Variants in SLC10A7 observed in about 807,000 individuals in gnomAD.
SLC10A7 encodes the protein solute carrier family 10 member 7.
Under a neutral mutation model 43.2 loss-of-function variants are expected in SLC10A7, and 29 were observed. That is an observed-to-expected ratio of 0.67 (90% CI 0.50 to 0.92). The LOEUF is 0.92. Ranked by LOEUF, SLC10A7 falls within the 40% of genes least tolerant of loss-of-function variation. The pLI is 0.00. For missense variants in SLC10A7, 295 were observed against 403.2 expected, an observed-to-expected ratio of 0.73 and a Z score of 2.30; for synonymous variants, 152 against 144.8, an observed-to-expected ratio of 1.05 and a Z score of -0.35.
chr4:146,506,092 C>T (rs1697971096), intron 3 of SLC10A7, among the ~76,000 whole-genome samples: 1 of 152,066 alleles, frequency 6.6e-6, no homozygotes, highest in Admixed American at 6.6e-5. Context: ...ATCTTTTTAG[C>T]TTTTTCATCC....
chr4:146,433,420 A>C (rs1003712496), intron 5 of SLC10A7, among the ~76,000 whole-genome samples: 1 of 152,152 alleles, frequency 6.6e-6, no homozygotes, highest in Non-Finnish European at 1.5e-5. Flanking sequence ...AATAATTTGA[A>C]ATGATCAATA....
chr4:146,256,859 C>G lies in SLC10A7; in HGVS notation c.994-339G>C, dbSNP rs147129678. ...TGGACTCTTGGTATTTATTTTAATG[C>G]CCAAATTTGATGGATAGATATTCCA... is the stretch of plus-strand genomic sequence containing the variant. On this transcript the variant is annotated intron_variant, in intron 11 of 11. Transcript: ENST00000335472. The G allele has an allele frequency of 7.8e-6, 12 of 1,536,008 alleles. No homozygotes were observed. In the East Asian group the frequency reaches 2.9e-4, roughly 38 times the overall value.
rs1310846036 is a variant in SLC10A7, at chr4:146,492,588, T to G, written c.396+11261A>C. ...GGTTTTGCCATGTCACCCAGGCAGG[T>G]CTGAAACTCCTAAGCTCGTGATCCA... is the stretch of plus-strand genomic sequence containing the variant. On this transcript the variant is annotated intron_variant, in intron 4 of 11. Coordinates refer to ENST00000335472, the MANE Select transcript of SLC10A7 (RefSeq NM_001029998.6). Among the ~76,000 whole-genome samples, 12 of 152,140 alleles carry G rather than the reference T, an allele frequency of 7.9e-5. No homozygotes were observed. In the South Asian group the frequency reaches 1.7e-3, roughly 21 times the overall value.
intron 4 of SLC10A7, among the ~76,000 whole-genome samples, chr4:146,489,014 T>C (rs940016366): frequency 6.6e-5 from 10 of 152,264 alleles, no homozygotes; most frequent in Middle Eastern, 3.4e-3. Flanking sequence ...AAGCACACAT[T>C]CCCTGCCATC....
intron 9 of SLC10A7, among the ~76,000 whole-genome samples, chr4:146,290,895 CA>C (rs977706090): frequency 6.6e-6 from 1 of 152,052 alleles, no homozygotes; most frequent in Non-Finnish European, 1.5e-5. Flanking sequence ...CAAAACAAAA[CA>C]AAAACCCTGA....
chr4:146,516,415 T>TTG (rs1233210607), intron 2 of SLC10A7, among the ~76,000 whole-genome samples: 30 of 147,698 alleles, frequency 2.0e-4, no homozygotes, highest in African/African-American at 3.5e-4. Flanking sequence ...GTGTGTGTGT[T>TTG]TGTGTGTGTG....
rs1314992271 is a variant in SLC10A7, at chr4:146,294,019, A to C, written c.632T>G (p.Leu211Arg). The C allele has an allele frequency of 6.2e-7, 1 of 1,612,048 alleles. No individual in the cohort carries two copies. The highest frequency in any genetic ancestry group is 8.5e-7 in the Non-Finnish European group (1 of 1,178,850). The change falls in exon 8 of 12, where the codon CTC (leucine) becomes CGC (arginine). Residue 211 changes from leucine to arginine, a missense_variant. Around this residue, in one of 2 missense-constraint regions of SLC10A7, gnomAD observed 242 missense variants for 362.5 expected, o/e 0.67. Transcript: ENST00000335472. Reference protein sequence around the residue: ...PFGAISSSVLLMIIYTTFCDT... With the variant: ...PFGAISSSVLRMIIYTTFCDT... ...ACAGAATGTTGTGTAGATGATCATGAGGAGTACACTGCTGCTGATAGCACC... is the reference window on the plus strand; with the variant it reads ...ACAGAATGTTGTGTAGATGATCATGCGGAGTACACTGCTGCTGATAGCACC...
chr4:146,476,946 C>T (rs1734078657), intron 4 of SLC10A7, among the ~76,000 whole-genome samples: 1 of 54,184 alleles, frequency 1.8e-5, no homozygotes, highest in Admixed American at 2.0e-4. Context: ...AAATTCTGCT[C>T]TGAAAAAAAA....
intron 7 of SLC10A7, among the ~76,000 whole-genome samples, chr4:146,299,226 G>A (rs1730991117): frequency 6.6e-6 from 1 of 152,150 alleles, no homozygotes; most frequent in African/African-American, 2.4e-5. Flanking sequence ...AGTTGTGAAA[G>A]TAGCCTGCCA....
chr4:146,521,871 G>C lies in SLC10A7; in HGVS notation c.-154C>G. On this transcript the variant is annotated 5_prime_UTR_variant, in exon 1 of 12. Transcript: ENST00000335472. ...TTGCCGATTGTAAAGTAAAGACCTG[G>C]GGGTTGCTCCGGCGGCTTTGAGGAG... 1.6e-6 allele frequency: 1 copy of C among 628,052 alleles called. No homozygotes were observed. Among genetic ancestry groups the C allele is most frequent in the Non-Finnish European group, 2.8e-6 (1 of 361,078 alleles). 38.9% of individuals were successfully genotyped at this position (628,052 alleles called of 1,614,324 possible). A position where few individuals can be genotyped will look rare whatever the true frequency, so the allele number is the denominator to read the frequency against.
chr4:146,386,969 C>G (rs1188109282), intron 5 of SLC10A7, among the ~76,000 whole-genome samples: 2 of 152,286 alleles, frequency 1.3e-5, no homozygotes, highest in African/African-American at 2.4e-5. Context: ...AATCAATCAG[C>G]AAAATCACTG....
intron 1 of SLC10A7, among the ~76,000 whole-genome samples, chr4:146,519,835 T>A (rs1484251978): frequency 6.6e-6 from 1 of 152,108 alleles, no homozygotes; most frequent in Non-Finnish European, 1.5e-5. Flanking sequence ...CTTTAAATAT[T>A]CCCCTCCCCC....
chr4:146,449,529 T>C (rs1037371478), intron 4 of SLC10A7, among the ~76,000 whole-genome samples: 3 of 152,048 alleles, frequency 2.0e-5, no homozygotes, highest in African/African-American at 7.2e-5. Context: ...AGACCCCTGC[T>C]ATGACAGAGG....
chr4:146,303,007 TCCTCTTCGGG>T (rs1282978112), intron 7 of SLC10A7, among the ~76,000 whole-genome samples: 1 of 152,102 alleles, frequency 6.6e-6, no homozygotes, highest in African/African-American at 2.4e-5. Flanking sequence ...TCAGCAGAGT[TCCTCTTCGGG>T]ACTTGCCCTC....
At chr4:146,457,832 T>C (rs1480070208) in intron 4 of SLC10A7, among the ~76,000 whole-genome samples, 1 of 151,932 alleles carries the variant, frequency 6.6e-6, no homozygotes, top group African/African-American at 2.4e-5. Flanking sequence ...AGACATTAAA[T>C]GTGTAGTTAA....
intron 10 of SLC10A7, among the ~76,000 whole-genome samples, chr4:146,260,457 C>A (rs116057036): frequency 6.6e-6 from 1 of 152,124 alleles, no homozygotes; most frequent in Non-Finnish European, 1.5e-5. Flanking sequence ...GATTTGCTAA[C>A]CCCAGATTTG....
chr4:146,476,797 C>T (rs1244920478), intron 4 of SLC10A7, among the ~76,000 whole-genome samples: 1 of 152,156 alleles, frequency 6.6e-6, no homozygotes, highest in Non-Finnish European at 1.5e-5. Flanking sequence ...ACTCAACTTA[C>T]ATTCAAAACA....
In SLC10A7 at chr4:146,387,219, A is replaced by G. The variant is rs562733530; in HGVS notation, c.435+55564T>C. On this transcript the variant is annotated intron_variant, in intron 5 of 11. Transcript: ENST00000335472. ...ATTAACATAGATGCAAGAATCCTCAACCAAATACTAGCAAACCAAATTTAG... is the reference window on the plus strand; with the variant it reads ...ATTAACATAGATGCAAGAATCCTCAGCCAAATACTAGCAAACCAAATTTAG... Among the ~76,000 whole-genome samples the G allele has an allele frequency of 6.0e-4, 91 of 152,330 alleles. 1 individual carries two copies. The highest frequency in any genetic ancestry group is 5.9e-3 in the Admixed American group (90 of 15,300).
chr4:146,457,226 C>G (rs944134799), intron 4 of SLC10A7, among the ~76,000 whole-genome samples: 2 of 151,630 alleles, frequency 1.3e-5, no homozygotes, highest in African/African-American at 4.8e-5. Context: ...AAAGTAAACA[C>G]TATTCTTTCC....
Sources: allele counts gnomAD v4.1 joint callset (sites outside exome capture counted in the v4.1 genomes callset), GRCh38; gene constraint gnomAD v4.1.1; regional missense constraint gnomAD v4.1.1; transcripts MANE v1.5; gene names NCBI Gene and HGNC (gene_info 2026-07-23, HGNC 2026-07-21).